Variants in DNAJC12 observed in about 807,000 individuals in gnomAD.
DNAJC12 encodes the protein DnaJ heat shock protein family (Hsp40) member C12.
A neutral mutation model predicts 28.5 loss-of-function variants in DNAJC12; 25 were observed. That is an observed-to-expected ratio of 0.88 (90% CI 0.64 to 1.22). DNAJC12 has a LOEUF of 1.22. Ranked by LOEUF, DNAJC12 falls within the 50% of genes most tolerant of loss-of-function variation. The pLI, the probability that DNAJC12 is intolerant of heterozygous loss-of-function variation, is 0.00. For synonymous variants in DNAJC12, 77 were observed against 80.6 expected, an observed-to-expected ratio of 0.95 and a Z score of 0.24; for missense variants, 222 against 231.7, an observed-to-expected ratio of 0.96 and a Z score of 0.27.
chr10:67,811,695 C>T (rs756021149), intron 2 of DNAJC12, 32 bp from the exon 3 acceptor site: 1 of 1,600,754 alleles, frequency 6.2e-7, no homozygotes, highest in African/African-American at 1.3e-5. Context: ...GAGCACTTCT[C>T]TCTCGGAGAG....
At chr10:67,802,845 G>T (rs1230366353) in intron 4 of DNAJC12, among the ~76,000 whole-genome samples, 4 of 137,818 alleles carry the variant, frequency 2.9e-5, no homozygotes, top group Non-Finnish European at 6.5e-5. Flanking sequence ...GTGCGTGTGT[G>T]TGTGTGTGTG....
intron 4 of DNAJC12, among the ~76,000 whole-genome samples, chr10:67,798,387 T>TA (rs1564856116): frequency 6.6e-6 from 1 of 151,850 alleles, no homozygotes; most frequent in South Asian, 2.1e-4. Flanking sequence ...TTTTTAAGTC[T>TA]AAAAAAAGAA....
chr10:67,796,889 G>C lies in DNAJC12; in HGVS notation c.*227C>G, dbSNP rs1841678202. 2.4e-6 allele frequency: 1 copy of C among 423,514 alleles called. No individual in the cohort carries two copies. Among genetic ancestry groups the C allele is most frequent in the African/African-American group, 2.0e-5 (1 of 49,694 alleles). The allele number at this position is 423,514 out of a possible 1,614,324, so 26.2% of individuals were successfully genotyped here. ...AAAAGCATATAATACAATCTACTCT[G>C]TATCTAAGAGCTTTAATTTATTCAA... On this transcript the variant is annotated 3_prime_UTR_variant, in exon 5 of 5. Coordinates refer to ENST00000225171, the MANE Select transcript of DNAJC12 (RefSeq NM_021800.3).
chr10:67,827,282 G>T (rs957142354), intron 1 of DNAJC12, among the ~76,000 whole-genome samples: 3 of 151,950 alleles, frequency 2.0e-5, no homozygotes, highest in Non-Finnish European at 2.9e-5. Flanking sequence ...AGTTACTCAG[G>T]AGGCTGAGGC....
chr10:67,825,166 C>A (rs540113516), intron 1 of DNAJC12: 2 of 152,280 alleles, frequency 1.3e-5, no homozygotes, highest in African/African-American at 2.4e-5. Context: ...AAAACCTGAT[C>A]ATAATAAGAA....
intron 1 of DNAJC12, among the ~76,000 whole-genome samples, chr10:67,832,222 G>A (rs1233274319): frequency 1.4e-4 from 20 of 146,730 alleles, no homozygotes; most frequent in East Asian, 6.0e-4. Flanking sequence ...CCCAGATTGC[G>A]TCATTGCACT....
chr10:67,812,688 CAAA>C (rs1172092515), intron 2 of DNAJC12, among the ~76,000 whole-genome samples: 3 of 95,676 alleles, frequency 3.1e-5, no homozygotes, highest in Admixed American at 1.1e-4. Flanking sequence ...GCTAAAAATA[CAAA>C]AAAAAAAAAA....
At chr10:67,829,704 GC>G (rs1172903306) in intron 1 of DNAJC12, among the ~76,000 whole-genome samples, 2 of 152,002 alleles carry the variant, frequency 1.3e-5, no homozygotes, top group Non-Finnish European at 2.9e-5. Context: ...CTGTCAAGCC[GC>G]CCTTTGTGTT....
intron 2 of DNAJC12, among the ~76,000 whole-genome samples, chr10:67,814,945 G>A (rs1308545671): frequency 6.6e-6 from 1 of 152,142 alleles, no homozygotes; most frequent in Non-Finnish European, 1.5e-5. Context: ...TAGTTTGGCT[G>A]TTCTTCAAAA....
chr10:67,824,103 G>A (rs1842006774), intron 1 of DNAJC12, among the ~76,000 whole-genome samples: 2 of 151,950 alleles, frequency 1.3e-5, no homozygotes, highest in African/African-American at 2.4e-5. Flanking sequence ...AGACATGGTG[G>A]CAGGCACCTG....
chr10:67,830,865 T>TA (rs570407163), intron 1 of DNAJC12, among the ~76,000 whole-genome samples: 371 of 152,062 alleles, frequency 2.4e-3, no homozygotes, highest in African/African-American at 8.7e-3. Flanking sequence ...GCAGTCTGAC[T>TA]CCAAATACAT....
At chr10:67,822,216 G>A (rs917051831) in intron 2 of DNAJC12, among the ~76,000 whole-genome samples, 5 of 152,178 alleles carry the variant, frequency 3.3e-5, no homozygotes, top group African/African-American at 1.2e-4. Context: ...AGTCACAAAG[G>A]AGACTGAGAG....
At chr10:67,831,144 C>T (rs527602271) in intron 1 of DNAJC12, among the ~76,000 whole-genome samples, 1 of 152,198 alleles carries the variant, frequency 6.6e-6, no homozygotes, top group Non-Finnish European at 1.5e-5. Context: ...GCTGAGATCG[C>T]ACCATTGCAC....
At position 67,829,082 on chromosome 10, in the gene DNAJC12, A is replaced by G. The variant is rs563124943; in HGVS notation, c.79-5690T>C. On this transcript the variant is annotated intron_variant, in intron 1 of 4. Coordinates refer to ENST00000225171, the MANE Select transcript of DNAJC12 (RefSeq NM_021800.3). ...GGGCCCCAGTAAAACAGTGAGCCTT[A>G]CTTAATAAGCACATTCCTTTCCCTT... 3.9e-5 allele frequency among the ~76,000 whole-genome samples: 6 copies of G among 152,238 alleles called. No individual in the cohort carries two copies. In the East Asian group the frequency reaches 1.2e-3, roughly 29 times the overall value.
rs535628642 is a variant in DNAJC12, at chr10:67,809,399, C to T, written c.297+2125G>A. ...ATCCCAAAGGCCTGAATTACTGAATCCTCACTCCAAACCTTTTTTTTCAAA... is the reference window on the plus strand; with the variant it reads ...ATCCCAAAGGCCTGAATTACTGAATTCTCACTCCAAACCTTTTTTTTCAAA... On this transcript the variant is annotated intron_variant, in intron 3 of 4. Coordinates refer to ENST00000225171, the MANE Select transcript of DNAJC12 (RefSeq NM_021800.3). Among the ~76,000 whole-genome samples the T allele has an allele frequency of 2.0e-5, 3 of 152,150 alleles. No homozygotes were observed. In the East Asian group the frequency reaches 5.8e-4, roughly 29 times the overall value.
intron 2 of DNAJC12, 105 bp downstream of exon 2, chr10:67,823,209 G>C: frequency 2.2e-6 from 2 of 891,904 alleles, no homozygotes; most frequent in Non-Finnish European, 3.6e-6. Flanking sequence ...ATACGGTTGA[G>C]CATAATAGAC....
intron 2 of DNAJC12, among the ~76,000 whole-genome samples, chr10:67,821,644 T>A (rs1053049869): frequency 1.3e-5 from 2 of 152,208 alleles, no homozygotes; most frequent in Non-Finnish European, 2.9e-5. Flanking sequence ...TCTGTTAGAG[T>A]ATTTTTTATT....
chr10:67,831,475 A>G (rs1336322002), intron 1 of DNAJC12, among the ~76,000 whole-genome samples: 3 of 152,166 alleles, frequency 2.0e-5, no homozygotes, highest in African/African-American at 4.8e-5. Context: ...TGTGCCATGG[A>G]GACTAATCCA....
intron 1 of DNAJC12, among the ~76,000 whole-genome samples, chr10:67,824,251 A>G (rs1043962920): frequency 6.6e-6 from 1 of 151,730 alleles, no homozygotes. Context: ...AAAAAAAAAA[A>G]AAATATTTAA....
Sources: gnomAD v4.1 joint callset for allele counts (sites outside exome capture counted in the v4.1 genomes callset) on GRCh38, gnomAD v4.1.1 for gene constraint, MANE v1.5 for transcripts, NCBI Gene and HGNC (gene_info 2026-07-23, HGNC 2026-07-21) for gene names.